DGAT2: variants seen among roughly 807,000 people sequenced by gnomAD.
DGAT2 encodes acyl-CoA retinol O-fatty-acyltransferase.
A neutral mutation model predicts 48.4 loss-of-function variants in DGAT2; 33 were observed. The ratio of observed to expected loss-of-function variants is 0.68; its 90% CI spans 0.52 to 0.91. The LOEUF (loss-of-function observed/expected upper bound fraction) is 0.91, where lower values mean the gene tolerates loss of function less well. Among genes scored for constraint, DGAT2 ranks in the 40% least tolerant of loss-of-function variants. The pLI is 0.00. For synonymous variants in DGAT2, 191 were observed against 194.1 expected (o/e 0.98, Z 0.13); for missense variants, 446 against 493.7 (o/e 0.90, Z 0.92).
chr11:75,786,470 G>A (rs1041125487), intron 2 of DGAT2, among the ~76,000 whole-genome samples: 3 of 152,126 alleles, frequency 2.0e-5, no homozygotes, highest in African/African-American at 7.2e-5. Flanking sequence ...TAATGGGTCT[G>A]GGCCTGGCTG....
At chr11:75,782,163 C>T (rs771530694) in intron 1 of DGAT2, among the ~76,000 whole-genome samples, 4 of 152,128 alleles carry the variant, frequency 2.6e-5, no homozygotes, top group East Asian at 1.9e-4. Context: ...TTTTTCCTGC[C>T]AAATAGAAGG....
chr11:75,799,347 G>T (rs1945087907), intron 7 of DGAT2, among the ~76,000 whole-genome samples: 1 of 152,138 alleles, frequency 6.6e-6, no homozygotes, highest in South Asian at 2.1e-4. Flanking sequence ...ATGATCCTTG[G>T]AGCTGCTGGA....
rs573716445 is a variant in DGAT2 at position 75,785,410 on chromosome 11, C to T, written c.250+664C>T. ...CACCCATCCTCAGCTGAGCACATTC[C>T]CCAGGTGCTTCCCGAGGCCTGCTCC... On this transcript the variant is annotated intron_variant, in intron 2 of 7. Coordinates refer to ENST00000228027, the MANE Select transcript of DGAT2 (RefSeq NM_032564.5). Among the ~76,000 whole-genome samples, 17 of 152,328 alleles carry T rather than the reference C, an allele frequency of 1.1e-4. No homozygotes were observed. In the South Asian group the frequency reaches 3.5e-3, roughly 32 times the overall value.
chr11:75,800,346 C>T lies in DGAT2; in HGVS notation c.1013-8C>T. 6.2e-7 allele frequency: 1 copy of T among 1,613,824 alleles called. No homozygotes were observed. The highest frequency in any genetic ancestry group is 8.5e-7 in the Non-Finnish European group (1 of 1,179,816). On this transcript the variant is annotated splice_polypyrimidine_tract_variant and splice_region_variant and intron_variant, in intron 7 of 7. Transcript: ENST00000228027. ...GACTAACCAGAAGCCTCTGCCCTGTCCCTGCAGTGGGAGAGCCCATCACCA... is the reference window on the plus strand; with the variant it reads ...GACTAACCAGAAGCCTCTGCCCTGTTCCTGCAGTGGGAGAGCCCATCACCA...
At chr11:75,779,203 C>T (rs777503506) in intron 1 of DGAT2, among the ~76,000 whole-genome samples, 8 of 152,206 alleles carry the variant, frequency 5.3e-5, no homozygotes, top group East Asian at 1.9e-4. Context: ...ACATGGGTTG[C>T]GGGGGTGGAA....
chr11:75,786,782 G>T (rs1232311606), intron 2 of DGAT2, among the ~76,000 whole-genome samples: 2 of 152,158 alleles, frequency 1.3e-5, no homozygotes, highest in Non-Finnish European at 2.9e-5. Context: ...GACCGTGGTG[G>T]CCCTGTTGGT....
rs1400287329 is a variant in DGAT2 at position 75,800,769 on chromosome 11, C to G, written c.*261C>G. The G allele has an allele frequency of 2.4e-6, 1 of 410,606 alleles. No individual in the cohort carries two copies. The highest frequency in any genetic ancestry group is 5.1e-5 in the East Asian group (1 of 19,722). 25.4% of individuals were successfully genotyped at this position (410,606 alleles called of 1,614,324 possible). On this transcript the variant is annotated 3_prime_UTR_variant, in exon 8 of 8. Coordinates refer to ENST00000228027, the MANE Select transcript of DGAT2 (RefSeq NM_032564.5). ...TCAGCTAACCTCTCTTCTTCCCTTCCTGAAGTGACAAAGGAAACTCAGTCT... is the reference window on the plus strand; with the variant it reads ...TCAGCTAACCTCTCTTCTTCCCTTCGTGAAGTGACAAAGGAAACTCAGTCT...
chr11:75,783,401 C>T (rs1944889268), intron 1 of DGAT2, among the ~76,000 whole-genome samples: 1 of 152,206 alleles, frequency 6.6e-6, no homozygotes, highest in South Asian at 2.1e-4. Flanking sequence ...CTAAACTCTG[C>T]TGTGGCTTTG....
chr11:75,795,466 G>C (rs771373350), intron 4 of DGAT2: 1 of 152,280 alleles, frequency 6.6e-6, no homozygotes, highest in African/African-American at 2.4e-5. Flanking sequence ...TCATGACTCA[G>C]GGTTTAGGGA....
intron 1 of DGAT2, among the ~76,000 whole-genome samples, chr11:75,778,542 T>G (rs1410254552): frequency 6.6e-6 from 1 of 152,072 alleles, no homozygotes; most frequent in East Asian, 1.9e-4. Context: ...GTTTTAAAAT[T>G]TAATGTTCCT....
At chr11:75,783,757 T>C (rs1944892604) in intron 1 of DGAT2, among the ~76,000 whole-genome samples, 1 of 152,170 alleles carries the variant, frequency 6.6e-6, no homozygotes, top group South Asian at 2.1e-4. Context: ...TCTCCTGCAG[T>C]CACCAGGCTT....
At chr11:75,784,976 A>T (rs1944906790) in intron 2 of DGAT2, among the ~76,000 whole-genome samples, 1 of 152,140 alleles carries the variant, frequency 6.6e-6, no homozygotes, top group Non-Finnish European at 1.5e-5. Flanking sequence ...GATAGTTCCC[A>T]TTTACAGATG....
intron 5 of DGAT2, 135 bp from the exon 6 acceptor site, chr11:75,797,023 A>G: frequency 1.2e-6 from 1 of 819,082 alleles, no homozygotes; most frequent in Non-Finnish European, 1.8e-6. Context: ...ACACAGAACC[A>G]GACAACTCCA....
chr11:75,796,059 G>A lies in DGAT2; in HGVS notation c.430-269G>A, dbSNP rs1945047946. On this transcript the variant is annotated intron_variant, in intron 4 of 7. Transcript: ENST00000228027. ...GGAGGCTGGCAGAGTGCAAAGAAGA[G>A]CTGCTGTGTGCATGGCTGAAGACTG... 6.6e-6 allele frequency: 3 copies of A among 453,172 alleles called. No homozygotes were observed. In the South Asian group the frequency reaches 7.6e-5, roughly 11 times the overall value. 28.1% of individuals were successfully genotyped at this position (453,172 alleles called of 1,614,324 possible). A position where few individuals can be genotyped will look rare whatever the true frequency, so the allele number is the denominator to read the frequency against.
intron 1 of DGAT2, among the ~76,000 whole-genome samples, chr11:75,777,384 G>A (rs189289809): frequency 3.7e-4 from 56 of 152,230 alleles, no homozygotes; most frequent in Non-Finnish European, 1.0e-4. Flanking sequence ...TTAGCCTGTC[G>A]CCTACGCCTC....
chr11:75,778,870 A>G (rs906875443), intron 1 of DGAT2, among the ~76,000 whole-genome samples: 8 of 151,810 alleles, frequency 5.3e-5, no homozygotes, highest in Admixed American at 1.3e-4. Context: ...ATGTTCCCCA[A>G]AATCCTGTGA....
chr11:75,791,094 G>T lies in DGAT2; in HGVS notation c.429+363G>T, dbSNP rs1944984215. ...GGATCCTGAAGGTTTTCCCCACAGGGGAAAGACCTGTCTGGCCAGCTCACT... is the reference window on the plus strand; with the variant it reads ...GGATCCTGAAGGTTTTCCCCACAGGTGAAAGACCTGTCTGGCCAGCTCACT... On this transcript the variant is annotated intron_variant, in intron 4 of 7. Transcript: ENST00000228027. 2.0e-5 allele frequency among the ~76,000 whole-genome samples: 3 copies of T among 152,354 alleles called. No individual in the cohort carries two copies. The South Asian group carries it at 6.2e-4, about 32-fold the overall frequency.
intron 1 of DGAT2, among the ~76,000 whole-genome samples, chr11:75,781,819 A>G (rs1032360579): frequency 6.6e-6 from 1 of 152,216 alleles, no homozygotes; most frequent in Non-Finnish European, 1.5e-5. Context: ...TCCAGTCTGT[A>G]TAACGGGGTG....
chr11:75,768,885 G>A lies in DGAT2; in HGVS notation c.-107G>A. ...GCCGCCCAGCCTCGACGCCGTCCCG[G>A]GACCCCTGTGCTCTGCGCGAAGCCC... On this transcript the variant is annotated 5_prime_UTR_variant, in exon 1 of 8. Transcript: ENST00000228027. 2 of 1,294,370 alleles carry A rather than the reference G, an allele frequency of 1.5e-6. No homozygotes were observed. The highest frequency in any genetic ancestry group is 4.4e-5 in the South Asian group (2 of 45,520). The allele number at this position is 1,294,370 out of a possible 1,614,324, so 80.2% of individuals were successfully genotyped here. A position where few individuals can be genotyped will look rare whatever the true frequency, so the allele number is the denominator to read the frequency against.
Sources: gnomAD v4.1 joint callset for allele counts (sites outside exome capture counted in the v4.1 genomes callset) on GRCh38, gnomAD v4.1.1 for gene constraint, MANE v1.5 for transcripts, NCBI Gene and HGNC (gene_info 2026-07-23, HGNC 2026-07-21) for gene names.